The following DENND2A variants were observed in gnomAD, a reference collection of about 807,000 sequenced individuals.
DENND2A encodes the protein DENN domain containing 2A.
DENND2A carries 53 observed loss-of-function variants against 105.3 expected under a neutral mutation model. The ratio of observed to expected loss-of-function variants is 0.50; its 90% confidence interval spans 0.40 to 0.63. DENND2A has a LOEUF of 0.63. Ranked by LOEUF, DENND2A falls within the 30% of genes least tolerant of loss-of-function variation. The pLI is 0.00. For synonymous variants in DENND2A, 522 were observed against 508.4 expected, an observed-to-expected ratio of 1.03 and a Z score of -0.36; for missense variants, 1,138 against 1,279.6, an observed-to-expected ratio of 0.89 and a Z score of 1.69.
intron 16 of DENND2A, among the ~76,000 whole-genome samples, chr7:140,524,414 A>T (rs1311119023): frequency 6.6e-6 from 1 of 152,154 alleles, no homozygotes; most frequent in African/African-American, 2.4e-5. Context: ...GAATGTACTA[A>T]AACAATTTAA....
At chr7:140,631,176 C>T (rs1363042738) in intron 1 of DENND2A, among the ~76,000 whole-genome samples, 1 of 152,074 alleles carries the variant, frequency 6.6e-6, no homozygotes, top group Non-Finnish European at 1.5e-5. Flanking sequence ...CACAGACGAA[C>T]CATTAGTAAC....
At chr7:140,519,974 G>A (rs1223321396) in intron 18 of DENND2A, among the ~76,000 whole-genome samples, 1 of 150,908 alleles carries the variant, frequency 6.6e-6, no homozygotes, top group African/African-American at 2.4e-5. Context: ...AACGCCTTCC[G>A]AGCGTCTACA....
intron 1 of DENND2A, among the ~76,000 whole-genome samples, chr7:140,632,766 A>G (rs1326239746): frequency 6.7e-6 from 1 of 149,648 alleles, no homozygotes; most frequent in Non-Finnish European, 1.5e-5. Flanking sequence ...ATGGGGTTTC[A>G]TTGGCCAGAC....
intron 1 of DENND2A, among the ~76,000 whole-genome samples, chr7:140,607,404 G>A (rs574137747): frequency 6.6e-6 from 1 of 152,208 alleles, no homozygotes; most frequent in African/African-American, 2.4e-5. Context: ...GCAAGGAAGG[G>A]AACAGACACA....
At chr7:140,571,576 C>A (rs1052359111) in intron 6 of DENND2A, among the ~76,000 whole-genome samples, 4 of 151,914 alleles carry the variant, frequency 2.6e-5, no homozygotes, top group Non-Finnish European at 5.9e-5. Context: ...ATGTCCTCAT[C>A]GGGAAAATGA....
intron 6 of DENND2A, among the ~76,000 whole-genome samples, chr7:140,573,026 A>G (rs998202699): frequency 6.6e-6 from 1 of 152,118 alleles, no homozygotes; most frequent in African/African-American, 2.4e-5. Context: ...ACCTTGTTTA[A>G]CCCCTATCTT....
intron 6 of DENND2A, among the ~76,000 whole-genome samples, chr7:140,571,697 T>G (rs139638321): frequency 1.3e-5 from 2 of 152,142 alleles, no homozygotes; most frequent in African/African-American, 4.8e-5. Context: ...ATACATACGA[T>G]GGAATACCAT....
At position 140,611,169 on chromosome 7, in the gene DENND2A, G is replaced by A. The variant is rs6949464; in HGVS notation, c.-247-5363C>T. 4.2e-3 allele frequency among the ~76,000 whole-genome samples: 639 copies of A among 152,248 alleles called. 4 individuals carry two copies. The highest frequency in any genetic ancestry group is 0.014 in the African/African-American group (562 of 41,536). ...AAGCGATTCTGCCTCAGCCTCCCAA[G>A]TAGCTGGGATTACAGGCATGCGCCA... On this transcript the variant is annotated intron_variant, in intron 1 of 19. Coordinates refer to ENST00000496613, the MANE Select transcript of DENND2A (RefSeq NM_015689.5).
intron 6 of DENND2A, among the ~76,000 whole-genome samples, chr7:140,573,168 T>C (rs1274173827): frequency 6.6e-6 from 1 of 152,220 alleles, no homozygotes; most frequent in Non-Finnish European, 1.5e-5. Flanking sequence ...TGAGTATGCA[T>C]TTCTCCTGTT....
At position 140,601,975 on chromosome 7, in the gene DENND2A, T is replaced by C. The variant is rs1439413282; in HGVS notation, c.423A>G (p.Arg141=). The C allele has an allele frequency of 2.5e-6, 4 of 1,614,114 alleles. No homozygotes were observed. The highest frequency in any genetic ancestry group is 1.3e-5 in the African/African-American group (1 of 74,958). ...PEREVDPSWG[R]GREPRLGKLR... ...GCTTGCCAAGTCTTGGCTCTCGGCC[T>C]CGGCCCCAGCTAGGATCCACTTCCC... is the stretch of plus-strand genomic sequence containing the variant. The change falls in exon 3 of 20, where the codon CGA becomes CGG. Residue 141 remains arginine, a synonymous_variant. Coordinates refer to ENST00000496613, the MANE Select transcript of DENND2A (RefSeq NM_015689.5).
At chr7:140,607,497 A>G (rs545995652) in intron 1 of DENND2A, among the ~76,000 whole-genome samples, 90 of 152,244 alleles carry the variant, frequency 5.9e-4, no homozygotes, top group African/African-American at 2.1e-3. Context: ...CTATCCAGCA[A>G]CTCAGCACCA....
In DENND2A at chr7:140,523,215, A is replaced by G. The variant is rs6943477; in HGVS notation, c.2665+92T>C. ...TTCTCTCCTTATGTCTCCCTTGCCC[A>G]TATTCCTACTTGGCCCTTGGCCACT... is the stretch of plus-strand genomic sequence containing the variant. On this transcript the variant is annotated intron_variant, in intron 17 of 19. Transcript: ENST00000496613. The surrounding 1 kb of genome is among the most constrained non-coding windows in gnomAD (Gnocchi z 4.5). 91,616 of 1,155,296 alleles carry G rather than the reference A, an allele frequency of 0.079. 3,998 individuals carry two copies. Among genetic ancestry groups the G allele is most frequent in the African/African-American group, 0.11 (7,170 of 66,118 alleles). 71.6% of individuals were successfully genotyped at this position (1,155,296 alleles called of 1,614,324 possible).
At chr7:140,561,148 G>A (rs2030563) in intron 9 of DENND2A, among the ~76,000 whole-genome samples, 151,691 of 152,278 alleles carry the variant, frequency 1, 75,552 homozygotes, top group East Asian at 1. Flanking sequence ...CTGGGACTGC[G>A]AGTGCATACC....
chr7:140,533,555 G>A (rs538448995), intron 14 of DENND2A, among the ~76,000 whole-genome samples: 2 of 152,304 alleles, frequency 1.3e-5, no homozygotes, highest in South Asian at 2.1e-4. Flanking sequence ...CAGCAATGCC[G>A]GTGCTAGATG....
In DENND2A at chr7:140,593,486, G is replaced by A. The variant is rs6957901; in HGVS notation, c.996-5706C>T. On this transcript the variant is annotated intron_variant, in intron 3 of 19. Transcript: ENST00000496613. ...ATGCCAAACACTGTGATTCTGAGTC[G>A]TATTTTGAATGTTCTTCATGACTTC... is the stretch of plus-strand genomic sequence containing the variant. 6.0e-3 allele frequency among the ~76,000 whole-genome samples: 920 copies of A among 152,312 alleles called. 6 individuals carry two copies. Among genetic ancestry groups the A allele is most frequent in the African/African-American group, 0.021 (853 of 41,576 alleles).
rs200901456 is a variant in DENND2A, at chr7:140,525,732, C to A, written c.2547+19G>T. 6.2e-7 allele frequency: 1 copy of A among 1,600,848 alleles called. No homozygotes were observed. The highest frequency in any genetic ancestry group is 8.5e-7 in the Non-Finnish European group (1 of 1,173,792). On this transcript the variant is annotated intron_variant, in intron 16 of 19. Coordinates refer to ENST00000496613, the MANE Select transcript of DENND2A (RefSeq NM_015689.5). ...GGTAAAGACAAAGGGAGCAGGAGGC[C>A]GTCGCTGGCCTCACTCACCTGTCTG...
chr7:140,563,318 G>A (rs1268579960), intron 9 of DENND2A, among the ~76,000 whole-genome samples: 2 of 152,114 alleles, frequency 1.3e-5, no homozygotes, highest in Admixed American at 6.6e-5. Context: ...AGTTATCAGC[G>A]CATACATACA....
intron 3 of DENND2A, among the ~76,000 whole-genome samples, chr7:140,591,665 T>TTC (rs1383061677): frequency 1.4e-5 from 2 of 147,450 alleles, no homozygotes; most frequent in African/African-American, 5.3e-5. Flanking sequence ...CTTTCTTTCT[T>TTC]TCTTTCTCTT....
Position 140,556,331 on chromosome 7 carries a change from T to A in DENND2A, c.1960-618A>T, listed in dbSNP as rs185446961. Reference sequence around the variant, plus strand: ...GCACCCTGCCCAATCTCAATACTTTTAAAAATTTTTATTTATTTATTTTTG... The same window carrying A: ...GCACCCTGCCCAATCTCAATACTTTAAAAAATTTTTATTTATTTATTTTTG... On this transcript the variant is annotated intron_variant, in intron 11 of 19. Transcript: ENST00000496613. Among the ~76,000 whole-genome samples, 21 of 152,130 alleles carry A rather than the reference T, an allele frequency of 1.4e-4. No homozygotes were observed. The East Asian group carries it at 2.7e-3, about 20-fold the overall frequency.
Sources: allele counts gnomAD v4.1 joint callset (sites outside exome capture counted in the v4.1 genomes callset), GRCh38; gene constraint gnomAD v4.1.1; non-coding constraint Gnocchi (gnomAD v3.1); transcripts MANE v1.5; gene names NCBI Gene and HGNC (gene_info 2026-07-23, HGNC 2026-07-21).